The following SKA3 variants were observed in gnomAD, a reference collection of about 807,000 sequenced individuals.
The protein encoded by SKA3 is spindle and kinetochore associated complex subunit 3, also known as spindle and kinetochore-associated protein 3.
In SKA3, 39 loss-of-function variants were observed where a neutral mutation model predicts 44.2. The ratio of observed to expected loss-of-function variants is 0.88; its 90% CI spans 0.68 to 1.15. SKA3 has a LOEUF of 1.15. Among genes scored for constraint, SKA3 ranks in the 50% most tolerant of loss-of-function variants. SKA3 has a pLI of 0.00. For synonymous variants in SKA3, 192 were observed against 172.0 expected (o/e 1.12, Z -0.91); for missense variants, 511 against 485.8 (o/e 1.05, Z -0.49).
rs1215916002 is a variant in SKA3 at position 21,154,912 on chromosome 13, TG to T, written c.*237del. 1.6e-6 allele frequency: 1 copy of T among 640,248 alleles called. No homozygotes were observed. The highest frequency in any genetic ancestry group is 1.9e-5 in the African/African-American group (1 of 53,050). 39.7% of individuals were successfully genotyped at this position (640,248 alleles called of 1,614,324 possible). ...ATTAAGCTGGGTAATTTAGTATCAA[TG>T]AAACACTAATAATCCTTAAAGAGTG... On this transcript the variant is annotated 3_prime_UTR_variant, in exon 9 of 9. Coordinates refer to ENST00000314759, the MANE Select transcript of SKA3 (RefSeq NM_145061.6).
At chr13:21,174,908 GACTAATGAAATTTGCATTTCCTTGA>G (rs1871364391) in intron 1 of SKA3, among the ~76,000 whole-genome samples, 1 of 122,752 alleles carries the variant, frequency 8.1e-6, no homozygotes, top group South Asian at 2.7e-4. Flanking sequence ...TTTCCTTGAT[GACTAATGAAATTTGCATTTCCTTGA>G]TGACTAATGA....
intron 5 of SKA3, among the ~76,000 whole-genome samples, chr13:21,161,259 G>A (rs1041645103): frequency 9.9e-5 from 15 of 152,246 alleles, no homozygotes; most frequent in African/African-American, 3.6e-4. Flanking sequence ...AACAGAGTGA[G>A]ACCCTGTCTC....
intron 8 of SKA3, 43 bp from the exon 9 acceptor site, chr13:21,155,193 AAAGCC>A: frequency 5.8e-6 from 8 of 1,375,594 alleles, no homozygotes; most frequent in Non-Finnish European, 7.7e-6. Flanking sequence ...AATAAAATTA[AAAGCC>A]ATTAAGACAA....
chr13:21,167,624 A>G (rs1178927069), intron 4 of SKA3, among the ~76,000 whole-genome samples: 2 of 152,016 alleles, frequency 1.3e-5, no homozygotes, highest in Non-Finnish European at 2.9e-5. Context: ...AAAATTAGCC[A>G]GGCGTGGTGG....
At chr13:21,175,139 C>T (rs1247211820) in intron 1 of SKA3, among the ~76,000 whole-genome samples, 1 of 151,352 alleles carries the variant, frequency 6.6e-6, no homozygotes, top group African/African-American at 2.4e-5. Flanking sequence ...CTATGCCCAG[C>T]TAATTGTTTT....
intron 6 of SKA3, among the ~76,000 whole-genome samples, chr13:21,159,026 A>G (rs1208029614): frequency 6.6e-6 from 1 of 152,292 alleles, no homozygotes; most frequent in African/African-American, 2.4e-5. Context: ...CCATAGCTGC[A>G]CTGTCCAATA....
chr13:21,173,452 T>C (rs1461259614), intron 1 of SKA3, among the ~76,000 whole-genome samples: 1 of 152,204 alleles, frequency 6.6e-6, no homozygotes. Context: ...GATGGGGGTT[T>C]CACCATGTTG....
chr13:21,176,480 T>G lies in SKA3; in HGVS notation c.-3A>C. Reference sequence around the variant, plus strand: ...CAGAAGCTCCGGATAGGGTCCATGCTGAGCACAGCGGGGAAGGACTCCAGG... The same window carrying G: ...CAGAAGCTCCGGATAGGGTCCATGCGGAGCACAGCGGGGAAGGACTCCAGG... On this transcript the variant is annotated 5_prime_UTR_variant, in exon 1 of 9. Transcript: ENST00000314759. 1 of 1,535,180 alleles carries G rather than the reference T, an allele frequency of 6.5e-7. No homozygotes were observed. Among genetic ancestry groups the G allele is most frequent in the Non-Finnish European group, 8.8e-7 (1 of 1,138,466 alleles).
At position 21,172,421 on chromosome 13, in the gene SKA3, C is replaced by T. The variant is rs768182253; in HGVS notation, c.249G>A (p.Met83Ile). 1.9e-6 allele frequency: 3 copies of T among 1,591,256 alleles called. No homozygotes were observed. The highest frequency in any genetic ancestry group is 4.5e-5 in the East Asian group (2 of 44,542). The change falls in exon 3 of 9, where the codon ATG (methionine) becomes ATA (isoleucine). Residue 83 changes from methionine (M) to isoleucine (I), a missense_variant. Coordinates refer to ENST00000314759, the MANE Select transcript of SKA3 (RefSeq NM_145061.6). ...TCATAATATCCATTGAATTTTTTTCCATTAGTACTTTTGTTGCCTTTATGA... is the reference window on the plus strand; with the variant it reads ...TCATAATATCCATTGAATTTTTTTCTATTAGTACTTTTGTTGCCTTTATGA... ...IDFIKATKVL[M>I]EKNSMDIMKI...
chr13:21,155,956 G>C, intron 7 of SKA3, 145 bp from the exon 8 acceptor site: 1 of 576,472 alleles, frequency 1.7e-6, no homozygotes, highest in South Asian at 1.9e-5. Context: ...GGGAGGCCAA[G>C]GCAGGTGGAT....
intron 7 of SKA3, among the ~76,000 whole-genome samples, chr13:21,157,202 G>A (rs17063089): frequency 0.011 from 1,648 of 152,296 alleles, 30 homozygotes; most frequent in African/African-American, 0.037. Context: ...GTCATTAGTA[G>A]GCCAATGGTA....
chr13:21,169,626 T>G (rs1424374517), intron 3 of SKA3, among the ~76,000 whole-genome samples: 1 of 152,190 alleles, frequency 6.6e-6, no homozygotes, highest in Admixed American at 6.5e-5. Context: ...GCAATGTATT[T>G]TCATACTTTC....
chr13:21,165,255 A>T (rs1451490285), intron 4 of SKA3, among the ~76,000 whole-genome samples: 1 of 136,878 alleles, frequency 7.3e-6, no homozygotes, highest in East Asian at 2.0e-4. Flanking sequence ...ACAGAAAGTT[A>T]AAAAAAAAAA....
chr13:21,172,247 T>C, intron 3 of SKA3, 92 bp downstream of exon 3: 2 of 716,026 alleles, frequency 2.8e-6, no homozygotes, highest in Non-Finnish European at 4.1e-6. Flanking sequence ...GAGCTAGAAC[T>C]AAAAACCATA....
intron 6 of SKA3, among the ~76,000 whole-genome samples, chr13:21,159,342 G>A (rs1412777051): frequency 2.0e-5 from 3 of 152,030 alleles, no homozygotes; most frequent in Admixed American, 6.6e-5. Context: ...GTAAAATTTA[G>A]GGGAAAAAAG....
intron 4 of SKA3, among the ~76,000 whole-genome samples, chr13:21,167,495 G>A (rs147823218): frequency 3.9e-5 from 6 of 152,178 alleles, no homozygotes; most frequent in African/African-American, 1.4e-4. Context: ...GGCCGGGCGC[G>A]GTGGCTCACG....
intron 7 of SKA3, among the ~76,000 whole-genome samples, chr13:21,157,704 A>G (rs1870191873): frequency 6.6e-6 from 1 of 152,172 alleles, no homozygotes; most frequent in African/African-American, 2.4e-5. Context: ...TTTGCCAGCA[A>G]CACTTCTAAT....
At chr13:21,165,791 C>T (rs1371581031) in intron 4 of SKA3, among the ~76,000 whole-genome samples, 1 of 151,948 alleles carries the variant, frequency 6.6e-6, no homozygotes, top group Non-Finnish European at 1.5e-5. Flanking sequence ...AAAAATTAGC[C>T]AGGCGTGGTG....
chr13:21,168,403 G>A lies in SKA3; in HGVS notation c.332-4C>T, dbSNP rs752098755. On this transcript the variant is annotated splice_polypyrimidine_tract_variant and splice_region_variant and intron_variant, in intron 3 of 8. Transcript: ENST00000314759. ...TTAATGGCTTCTTGCTCGTGTACTAGGAGGAAAAATCAGAATATTCTGGTC... is the reference window on the plus strand; with the variant it reads ...TTAATGGCTTCTTGCTCGTGTACTAAGAGGAAAAATCAGAATATTCTGGTC... 2 of 1,173,542 alleles carry A rather than the reference G, an allele frequency of 1.7e-6. No individual in the cohort carries two copies. The highest frequency in any genetic ancestry group is 2.9e-5 in the Admixed American group (1 of 34,976). The allele number at this position is 1,173,542 out of a possible 1,614,324, so 72.7% of individuals were successfully genotyped here. A position where few individuals can be genotyped will look rare whatever the true frequency, so the allele number is the denominator to read the frequency against.
Sources: gnomAD v4.1 joint callset for allele counts (sites outside exome capture counted in the v4.1 genomes callset) on GRCh38, gnomAD v4.1.1 for gene constraint, MANE v1.5 for transcripts, NCBI Gene and HGNC (gene_info 2026-07-23, HGNC 2026-07-21) for gene names.